Variants in IQGAP2 observed in about 807,000 individuals in gnomAD.
IQGAP2 encodes the protein ras GTPase-activating-like protein IQGAP2.
Under a neutral mutation model 201.3 loss-of-function variants are expected in IQGAP2, and 173 were observed. That is an observed-to-expected ratio of 0.86 (90% CI 0.76 to 0.98). The LOEUF is 0.98. IQGAP2 is among the 50% of genes least tolerant of loss of function. IQGAP2 has a pLI of 0.00. For missense variants in IQGAP2, 1,687 were observed against 1,864.8 expected (o/e 0.90, Z 1.76); for synonymous variants, 675 against 673.9 (o/e 1.00, Z -0.03).
At chr5:76,471,463 A>C (rs1366422060) in intron 2 of IQGAP2, among the ~76,000 whole-genome samples, 1 of 151,774 alleles carries the variant, frequency 6.6e-6, no homozygotes, top group East Asian at 1.9e-4. Context: ...GCCATTGGCT[A>C]TATTGGTGAG....
intron 17 of IQGAP2, among the ~76,000 whole-genome samples, chr5:76,642,058 A>G (rs946242504): frequency 7.9e-5 from 12 of 152,210 alleles, no homozygotes; most frequent in Non-Finnish European, 1.3e-4. Context: ...AGAAATTTCT[A>G]CTATAAATCT....
chr5:76,599,313 C>T (rs11948805), intron 10 of IQGAP2, among the ~76,000 whole-genome samples: 82,494 of 151,982 alleles, frequency 0.54, 23,563 homozygotes, highest in African/African-American at 0.72. Context: ...TAATTTCATT[C>T]AGGTTCTCTC....
intron 3 of IQGAP2, among the ~76,000 whole-genome samples, chr5:76,567,108 G>A (rs1193088785): frequency 6.6e-6 from 1 of 152,228 alleles, no homozygotes; most frequent in Admixed American, 6.5e-5. Context: ...GGGAAGGCAT[G>A]CACACAGTGG....
chr5:76,497,020 G>A (rs1242052252), intron 2 of IQGAP2, among the ~76,000 whole-genome samples: 1 of 151,986 alleles, frequency 6.6e-6, no homozygotes, highest in Non-Finnish European at 1.5e-5. Context: ...AGTAGAGACA[G>A]GGTTTTACCG....
intron 1 of IQGAP2, among the ~76,000 whole-genome samples, chr5:76,452,707 G>A (rs1753834143): frequency 6.6e-6 from 1 of 152,126 alleles, no homozygotes. Flanking sequence ...GGCTGCTGAT[G>A]TCATCAAGCA....
chr5:76,425,686 A>T (rs1358165221), intron 1 of IQGAP2, among the ~76,000 whole-genome samples: 3 of 152,186 alleles, frequency 2.0e-5, no homozygotes, highest in Non-Finnish European at 4.4e-5. Context: ...TCTGATTATG[A>T]GAGATGAAGT....
At chr5:76,698,283 GT>G in intron 33 of IQGAP2, 136 bp downstream of exon 33, 1 of 579,548 alleles carries the variant, frequency 1.7e-6, no homozygotes. Flanking sequence ...TAGAGTCTCA[GT>G]TTTATTATTT....
chr5:76,422,704 G>A (rs10073228), intron 1 of IQGAP2, among the ~76,000 whole-genome samples: 60,129 of 152,036 alleles, frequency 0.4, 13,364 homozygotes, highest in East Asian at 0.52. Context: ...TTCATGTCTG[G>A]TAGAAGAGGA....
intron 2 of IQGAP2, among the ~76,000 whole-genome samples, chr5:76,561,547 C>G (rs1744367385): frequency 6.6e-6 from 1 of 152,056 alleles, no homozygotes; most frequent in Admixed American, 6.6e-5. Flanking sequence ...GCTGGGGGCT[C>G]CCTGCTGAGA....
intron 4 of IQGAP2, among the ~76,000 whole-genome samples, chr5:76,573,610 ACT>A (rs1441579285): frequency 2.0e-5 from 3 of 151,502 alleles, no homozygotes; most frequent in Admixed American, 6.6e-5. Context: ...AACCGGTAAT[ACT>A]CTTTTTTGTT....
intron 1 of IQGAP2, among the ~76,000 whole-genome samples, chr5:76,420,359 G>A (rs1324943842): frequency 6.7e-6 from 1 of 148,620 alleles, no homozygotes; most frequent in African/African-American, 2.5e-5. Flanking sequence ...CCATCATCAC[G>A]ATCTATCTTT....
intron 2 of IQGAP2, among the ~76,000 whole-genome samples, chr5:76,554,301 G>A (rs1048116646): frequency 6.6e-6 from 1 of 152,036 alleles, no homozygotes; most frequent in Admixed American, 6.6e-5. Flanking sequence ...AACAACAAAA[G>A]AAGAAATAGA....
At chr5:76,618,559 C>T in intron 13 of IQGAP2, 1 of 1,614,100 alleles carries the variant, frequency 6.2e-7, no homozygotes, top group Non-Finnish European at 8.5e-7. Flanking sequence ...AAGGGGAACT[C>T]TTCAAAAGAA....
chr5:76,478,094 C>G (rs895100632), intron 2 of IQGAP2, among the ~76,000 whole-genome samples: 2 of 152,024 alleles, frequency 1.3e-5, no homozygotes, highest in Non-Finnish European at 2.9e-5. Context: ...GATGGAGTTT[C>G]GCTCTTGTCA....
intron 30 of IQGAP2, chr5:76,691,480 C>T (rs1369490757): frequency 6.6e-6 from 1 of 152,268 alleles, no homozygotes; most frequent in Non-Finnish European, 1.5e-5. Flanking sequence ...ACTCAGTGTT[C>T]CTGTTTAATA....
chr5:76,657,265 C>T (rs1742829526), intron 20 of IQGAP2, among the ~76,000 whole-genome samples: 1 of 152,190 alleles, frequency 6.6e-6, no homozygotes, highest in South Asian at 2.1e-4. Flanking sequence ...GCTCATGTTC[C>T]CCTAACTTGG....
chr5:76,611,212 A>C (rs768925343), intron 13 of IQGAP2, 29 bp downstream of exon 13: 1 of 1,562,604 alleles, frequency 6.4e-7, no homozygotes, highest in South Asian at 1.2e-5. Context: ...GTTTCTTTTA[A>C]ATTTTACAGG....
chr5:76,534,192 T>G (rs1759490640), intron 2 of IQGAP2, among the ~76,000 whole-genome samples: 1 of 152,204 alleles, frequency 6.6e-6, no homozygotes, highest in Non-Finnish European at 1.5e-5. Flanking sequence ...TCAACACTGT[T>G]TGTGGAAAGC....
chr5:76,546,510 C>T (rs4704333), intron 2 of IQGAP2, among the ~76,000 whole-genome samples: 81,729 of 151,986 alleles, frequency 0.54, 22,782 homozygotes, highest in South Asian at 0.73. Context: ...AATTGATATA[C>T]CAGGCGTCAT....
Sources: gnomAD v4.1 joint callset for allele counts (sites outside exome capture counted in the v4.1 genomes callset) on GRCh38, gnomAD v4.1.1 for gene constraint, MANE v1.5 for transcripts, NCBI Gene and HGNC (gene_info 2026-07-23, HGNC 2026-07-21) for gene names.